The following GUCY1A2 variants were observed in gnomAD, a reference collection of about 807,000 sequenced individuals.
GUCY1A2 encodes guanylate cyclase 1 soluble subunit alpha 2, also known as guanylate cyclase soluble subunit alpha-2.
Under a neutral mutation model 63.5 loss-of-function variants are expected in GUCY1A2, and 27 were observed. The observed-to-expected ratio is 0.43, with a 90% CI of 0.31 to 0.59. The LOEUF (loss-of-function observed/expected upper bound fraction) is 0.59, where lower values mean the gene tolerates loss of function less well. GUCY1A2 is among the 20% of genes least tolerant of loss of function. The pLI is 0.11. For missense variants in GUCY1A2, 768 were observed against 913.3 expected, an observed-to-expected ratio of 0.84 and a Z score of 2.05; for synonymous variants, 364 against 343.5, an observed-to-expected ratio of 1.06 and a Z score of -0.66.
intron 4 of GUCY1A2, among the ~76,000 whole-genome samples, chr11:106,929,011 C>G (rs1434346845): frequency 6.6e-6 from 1 of 152,130 alleles, no homozygotes; most frequent in Non-Finnish European, 1.5e-5. Flanking sequence ...GTTATAAGTA[C>G]AATAGAAACT....
chr11:106,832,664 C>A (rs1484241076), intron 4 of GUCY1A2, among the ~76,000 whole-genome samples: 3 of 152,090 alleles, frequency 2.0e-5, no homozygotes, highest in African/African-American at 7.2e-5. Context: ...TATATAAGGT[C>A]TAAGAATGTC....
intron 4 of GUCY1A2, among the ~76,000 whole-genome samples, chr11:106,811,752 TA>T: frequency 6.6e-6 from 1 of 152,102 alleles, no homozygotes; most frequent in Non-Finnish European, 1.5e-5. Context: ...AAATTTCTGC[TA>T]AAGTTCAGTA....
intron 5 of GUCY1A2, among the ~76,000 whole-genome samples, chr11:106,797,434 A>G (rs1449907896): frequency 6.6e-6 from 1 of 152,134 alleles, no homozygotes; most frequent in African/African-American, 2.4e-5. Context: ...AGTGGACCTA[A>G]TAGACATCTA....
rs949791040 is a variant in GUCY1A2 at position 106,680,514 on chromosome 11, A to C, written c.*7035T>G. The C allele has an allele frequency of 3.0e-5, 6 of 198,642 alleles. No individual in the cohort carries two copies. The highest frequency in any genetic ancestry group is 6.0e-5 in the Admixed American group (1 of 16,546). 12.3% of individuals were successfully genotyped at this position (198,642 alleles called of 1,614,324 possible). ...GCAACAATACTTAAGTCTAATATAA[A>C]GAATGATCTGATCAGCAACTAGCTG... On this transcript the variant is annotated 3_prime_UTR_variant, in exon 8 of 8. Transcript: ENST00000526355.
intron 4 of GUCY1A2, among the ~76,000 whole-genome samples, chr11:106,850,652 G>A (rs1170060348): frequency 1.3e-5 from 2 of 151,614 alleles, no homozygotes; most frequent in African/African-American, 4.8e-5. Context: ...ATGTCCTCCA[G>A]GCTCATTCAT....
chr11:106,746,093 T>C (rs1025494563), intron 6 of GUCY1A2, among the ~76,000 whole-genome samples: 1 of 151,906 alleles, frequency 6.6e-6, no homozygotes, highest in Non-Finnish European at 1.5e-5. Flanking sequence ...CCTGGTGAAG[T>C]AGAAGCCATG....
chr11:106,892,366 G>A (rs961255312), intron 4 of GUCY1A2, among the ~76,000 whole-genome samples: 16 of 151,650 alleles, frequency 1.1e-4, no homozygotes, highest in East Asian at 7.7e-4. Context: ...ATATATTTGC[G>A]GTCATCATCC....
intron 7 of GUCY1A2, among the ~76,000 whole-genome samples, chr11:106,693,588 T>G (rs1046462197): frequency 6.6e-6 from 1 of 152,204 alleles, no homozygotes; most frequent in African/African-American, 2.4e-5. Context: ...TTGTTTTATA[T>G]GTTTTCTTTT....
intron 1 of GUCY1A2, among the ~76,000 whole-genome samples, chr11:107,008,527 C>T (rs1861702803): frequency 1.3e-5 from 2 of 152,044 alleles, no homozygotes; most frequent in Admixed American, 6.6e-5. Flanking sequence ...AAGAGCAGTA[C>T]CAAATACATC....
At position 107,018,128 on chromosome 11, in the gene GUCY1A2, G is replaced by A. The variant is rs1452672750; in HGVS notation, c.-73C>T. 45 of 1,021,830 alleles carry A rather than the reference G, an allele frequency of 4.4e-5. No homozygotes were observed. Among genetic ancestry groups the A allele is most frequent in the Non-Finnish European group, 5.4e-5 (42 of 771,868 alleles). 63.3% of individuals were successfully genotyped at this position (1,021,830 alleles called of 1,614,324 possible). A position where few individuals can be genotyped will look rare whatever the true frequency, so the allele number is the denominator to read the frequency against. On this transcript the variant is annotated 5_prime_UTR_variant, in exon 1 of 8. Coordinates refer to ENST00000526355, the MANE Select transcript of GUCY1A2 (RefSeq NM_000855.3). Reference sequence around the variant, plus strand: ...AGCGGCGGCGGAGGCGGCGGTGGCGGGACCGGCAAGCGACAACGTTAAGCG... The same window carrying A: ...AGCGGCGGCGGAGGCGGCGGTGGCGAGACCGGCAAGCGACAACGTTAAGCG...
intron 1 of GUCY1A2, among the ~76,000 whole-genome samples, chr11:106,996,647 C>A (rs1219590035): frequency 6.6e-6 from 1 of 152,102 alleles, no homozygotes. Context: ...ACATGTCAAC[C>A]AAAGTGCCAT....
chr11:106,787,519 A>C (rs896110431), intron 5 of GUCY1A2, among the ~76,000 whole-genome samples: 8 of 16,114 alleles, frequency 5.0e-4, no homozygotes, highest in Non-Finnish European at 1.0e-3. Context: ...AAAAGGAAAG[A>C]GAGAAAGGGA....
At chr11:106,728,800 T>C (rs1238776264) in intron 6 of GUCY1A2, among the ~76,000 whole-genome samples, 3 of 152,178 alleles carry the variant, frequency 2.0e-5, no homozygotes, top group African/African-American at 7.2e-5. Context: ...AGGGACTATC[T>C]CTATTTATCT....
intron 3 of GUCY1A2, among the ~76,000 whole-genome samples, chr11:106,970,939 C>G (rs570212666): frequency 6.6e-6 from 1 of 152,096 alleles, no homozygotes; most frequent in South Asian, 2.1e-4. Flanking sequence ...ATCTTAAATT[C>G]ACATTTCTAA....
chr11:106,713,799 C>T (rs919046288), intron 6 of GUCY1A2, among the ~76,000 whole-genome samples: 11 of 152,090 alleles, frequency 7.2e-5, no homozygotes, highest in Middle Eastern at 3.4e-3. Context: ...AGCCACCGCG[C>T]CCAGCCCAAC....
At position 106,677,749 on chromosome 11, in the gene GUCY1A2, G is replaced by T; in HGVS notation, c.*9800C>A. On this transcript the variant is annotated 3_prime_UTR_variant, in exon 8 of 8. Transcript: ENST00000526355. ...AGGATTAGACAACAGACCTAATTTT[G>T]ATGTAAGCAAAGTCTGATTTTTGTG... 1 of 210,318 alleles carries T rather than the reference G, an allele frequency of 4.8e-6. No homozygotes were observed. Among genetic ancestry groups the T allele is most frequent in the Admixed American group, 5.9e-5 (1 of 16,936 alleles). The allele number at this position is 210,318 out of a possible 1,614,324, so 13.0% of individuals were successfully genotyped here. A position where few individuals can be genotyped will look rare whatever the true frequency, so the allele number is the denominator to read the frequency against.
At chr11:106,781,323 G>T (rs1864459311) in intron 5 of GUCY1A2, among the ~76,000 whole-genome samples, 1 of 152,124 alleles carries the variant, frequency 6.6e-6, no homozygotes, top group Non-Finnish European at 1.5e-5. Context: ...ATGGGGAAAA[G>T]ATAATGCTTA....
chr11:106,874,375 AC>A (rs1859720830), intron 4 of GUCY1A2, among the ~76,000 whole-genome samples: 1 of 152,192 alleles, frequency 6.6e-6, no homozygotes, highest in African/African-American at 2.4e-5. Flanking sequence ...CAGCAATCAT[AC>A]AGTAGTCTGA....
intron 6 of GUCY1A2, among the ~76,000 whole-genome samples, chr11:106,728,336 C>G (rs1383178270): frequency 6.6e-6 from 1 of 152,188 alleles, no homozygotes; most frequent in Non-Finnish European, 1.5e-5. Context: ...TCATCCCATC[C>G]TCTCTGCTAT....
Sources: gnomAD v4.1 joint callset for allele counts (sites outside exome capture counted in the v4.1 genomes callset) on GRCh38, gnomAD v4.1.1 for gene constraint, MANE v1.5 for transcripts, NCBI Gene and HGNC (gene_info 2026-07-23, HGNC 2026-07-21) for gene names.